Variants in SLC39A11 observed in about 807,000 individuals in gnomAD.
SLC39A11 encodes the protein zinc transporter ZIP11.
A neutral mutation model predicts 36.1 loss-of-function variants in SLC39A11; 33 were observed. The observed-to-expected ratio is 0.91, with a 90% CI of 0.69 to 1.22. SLC39A11 has a LOEUF of 1.22. SLC39A11 is among the 50% of genes most tolerant of loss of function. The probability of loss-of-function intolerance (pLI) is 0.00; values close to 1 mark genes in which losing one functional copy is unlikely to be tolerated. For synonymous variants in SLC39A11, 166 were observed against 170.3 expected (o/e 0.97, Z 0.20); for missense variants, 432 against 430.3 (o/e 1.00, Z -0.03).
chr17:73,064,085 CA>C (rs58225858), intron 3 of SLC39A11, among the ~76,000 whole-genome samples: 43 of 145,788 alleles, frequency 2.9e-4, no homozygotes, highest in East Asian at 3.9e-4. Flanking sequence ...AATGCTACAG[CA>C]AAAAAAAAAG....
Position 72,900,169 on chromosome 17 carries a change from G to GA in SLC39A11, c.430+47582dup, listed in dbSNP as rs1257310225. Among the ~76,000 whole-genome samples the GA allele has an allele frequency of 1.6e-4, 19 of 118,324 alleles. 4 individuals are homozygous for GA. Among genetic ancestry groups the GA allele is most frequent in the African/African-American group, 6.3e-4 (19 of 30,234 alleles). The allele number at this position is 118,324 out of a possible 152,430, so 77.6% of individuals were successfully genotyped here. ...GAAAGAAAGAAAAGAAAGAAAGAAA[G>GA]AAAGAAAGAAAGAAAGAAAGAAAGA... On this transcript the variant is annotated intron_variant, in intron 5 of 9. Transcript: ENST00000255559.
chr17:72,881,767 T>C (rs2146556859), intron 5 of SLC39A11, among the ~76,000 whole-genome samples: 2 of 152,316 alleles, frequency 1.3e-5, no homozygotes, highest in South Asian at 4.1e-4. Context: ...GCTCCCCAAT[T>C]TATAAAATCT....
chr17:72,857,021 G>GT (rs1176049847), intron 5 of SLC39A11, among the ~76,000 whole-genome samples: 1 of 152,136 alleles, frequency 6.6e-6, no homozygotes, highest in Admixed American at 6.5e-5. Context: ...ACATGTGCAG[G>GT]TTTGTTATAC....
chr17:72,984,767 A>G (rs750928100), intron 4 of SLC39A11, among the ~76,000 whole-genome samples: 11 of 152,242 alleles, frequency 7.2e-5, no homozygotes, highest in Admixed American at 5.9e-4. Context: ...GTGTGCCACA[A>G]AGTATTTTAT....
intron 4 of SLC39A11, among the ~76,000 whole-genome samples, chr17:72,964,839 C>G (rs1019523766): frequency 6.6e-6 from 1 of 152,194 alleles, no homozygotes; most frequent in Admixed American, 6.5e-5. Flanking sequence ...ATAGCAACGA[C>G]TTGGAACCAA....
intron 7 of SLC39A11, among the ~76,000 whole-genome samples, chr17:72,661,966 C>G (rs2070443710): frequency 6.6e-6 from 1 of 152,182 alleles, no homozygotes; most frequent in African/African-American, 2.4e-5. Flanking sequence ...ATCACTGACT[C>G]CCAGAGGAAT....
intron 5 of SLC39A11, among the ~76,000 whole-genome samples, chr17:72,857,766 T>C (rs1417265529): frequency 6.6e-6 from 1 of 152,224 alleles, no homozygotes; most frequent in Non-Finnish European, 1.5e-5. Flanking sequence ...ATATGCTTGT[T>C]GGCCACATCT....
chr17:72,980,885 A>ATG (rs1166681328), intron 4 of SLC39A11, among the ~76,000 whole-genome samples: 2 of 152,232 alleles, frequency 1.3e-5, no homozygotes, highest in African/African-American at 4.8e-5. Context: ...TTAGCCAGGC[A>ATG]TGATGGTGGG....
At position 72,736,673 on chromosome 17, in the gene SLC39A11, T is replaced by A; in HGVS notation, c.648A>T (p.Ala216=). 6.2e-7 allele frequency: 1 copy of A among 1,614,108 alleles called. No individual in the cohort carries two copies. The highest frequency in any genetic ancestry group is 8.5e-7 in the Non-Finnish European group (1 of 1,179,994). The change falls in exon 7 of 10, where the codon GCA becomes GCT. Residue 216 remains alanine (A), a synonymous_variant. Coordinates refer to ENST00000255559, the MANE Select transcript of SLC39A11 (RefSeq NM_139177.4). ...GVGFGAIEKT[A]SATFESARNL... ...ACCTGGCACTCTCAAAGGTAGCAGA[T>A]GCCGTCTTTTCTATAGCCCCAAATC...
intron 4 of SLC39A11, among the ~76,000 whole-genome samples, chr17:72,983,376 T>C (rs1429627894): frequency 6.6e-6 from 1 of 152,212 alleles, no homozygotes; most frequent in Non-Finnish European, 1.5e-5. Flanking sequence ...CTCAAGCTCC[T>C]GACCTCAAGT....
intron 5 of SLC39A11, among the ~76,000 whole-genome samples, chr17:72,946,316 G>A (rs576812567): frequency 9.2e-5 from 14 of 152,290 alleles, no homozygotes; most frequent in East Asian, 1.9e-4. Context: ...TCCATCCCAC[G>A]TAGGAAGTTG....
At chr17:72,779,273 G>A (rs951126288) in intron 6 of SLC39A11, among the ~76,000 whole-genome samples, 1 of 151,862 alleles carries the variant, frequency 6.6e-6, no homozygotes, top group African/African-American at 2.4e-5. Flanking sequence ...GTGAAACCCC[G>A]TCTCTACTAA....
intron 4 of SLC39A11, among the ~76,000 whole-genome samples, chr17:73,023,225 C>CT (rs1170575564): frequency 6.8e-6 from 1 of 147,064 alleles, no homozygotes; most frequent in African/African-American, 2.6e-5. Flanking sequence ...ATCACAGTGC[C>CT]TAAAAAAAAA....
At chr17:72,784,609 G>A (rs777757320) in intron 6 of SLC39A11, among the ~76,000 whole-genome samples, 1 of 152,072 alleles carries the variant, frequency 6.6e-6, no homozygotes, top group African/African-American at 2.4e-5. Flanking sequence ...GATCCTGGGG[G>A]TGGATCCCTA....
At chr17:73,001,570 A>T (rs547317057) in intron 4 of SLC39A11, among the ~76,000 whole-genome samples, 130 of 129,996 alleles carry the variant, frequency 1.0e-3, no homozygotes, top group Admixed American at 2.4e-3. Flanking sequence ...TAATAATAAT[A>T]AAAAAAAAGA....
intron 3 of SLC39A11, among the ~76,000 whole-genome samples, chr17:73,065,533 C>CA (rs2059973204): frequency 6.6e-6 from 1 of 152,180 alleles, no homozygotes; most frequent in South Asian, 2.1e-4. Flanking sequence ...AGCCTGGACA[C>CA]ACCTGTTCTC....
chr17:72,651,098 C>T (rs2143859882), intron 7 of SLC39A11, among the ~76,000 whole-genome samples: 1 of 152,316 alleles, frequency 6.6e-6, no homozygotes, highest in African/African-American at 2.4e-5. Flanking sequence ...GTCTGCCAGT[C>T]AAGTAGACTC....
intron 6 of SLC39A11, among the ~76,000 whole-genome samples, chr17:72,787,837 C>T (rs948249921): frequency 1.3e-5 from 2 of 152,162 alleles, no homozygotes; most frequent in Non-Finnish European, 2.9e-5. Flanking sequence ...TGCACATTCA[C>T]CCCAGCTGAC....
chr17:72,949,544 G>A (rs2085714651), intron 4 of SLC39A11, among the ~76,000 whole-genome samples: 1 of 151,984 alleles, frequency 6.6e-6, no homozygotes, highest in Non-Finnish European at 1.5e-5. Context: ...TGACTGGTGA[G>A]AGCCTGCTTC....
Sources: allele counts gnomAD v4.1 joint callset (sites outside exome capture counted in the v4.1 genomes callset), GRCh38; gene constraint gnomAD v4.1.1; transcripts MANE v1.5; gene names NCBI Gene and HGNC (gene_info 2026-07-23, HGNC 2026-07-21).